Variants in SPOCK1 observed in about 807,000 individuals in gnomAD.
The protein encoded by SPOCK1 is SPARC (osteonectin), cwcv and kazal like domains proteoglycan 1.
SPOCK1 carries 23 observed loss-of-function variants against 55.3 expected under a neutral mutation model. That is an observed-to-expected ratio of 0.42 (90% CI 0.30 to 0.59). The LOEUF (loss-of-function observed/expected upper bound fraction) is 0.59, where lower values mean the gene tolerates loss of function less well. SPOCK1 is among the 20% of genes least tolerant of loss of function. The probability of loss-of-function intolerance (pLI) is 0.22; values close to 1 mark genes in which losing one functional copy is unlikely to be tolerated. For synonymous variants in SPOCK1, 226 were observed against 221.0 expected (o/e 1.02, Z -0.20); for missense variants, 499 against 552.5 (o/e 0.90, Z 0.97).
intron 2 of SPOCK1, among the ~76,000 whole-genome samples, chr5:137,369,040 C>T (rs550023431): frequency 5.8e-4 from 89 of 152,282 alleles, no homozygotes; most frequent in Admixed American, 9.8e-4. Flanking sequence ...GCCTGGTGCT[C>T]AGATGGAAGC....
intron 6 of SPOCK1, among the ~76,000 whole-genome samples, chr5:137,043,950 T>C (rs1411009512): frequency 1.3e-5 from 2 of 152,206 alleles, no homozygotes; most frequent in Admixed American, 6.5e-5. Context: ...ACCATGCCAA[T>C]GTAAGACAAT....
chr5:137,258,983 A>T (rs1266224850), intron 3 of SPOCK1, among the ~76,000 whole-genome samples: 4 of 152,184 alleles, frequency 2.6e-5, no homozygotes, highest in Non-Finnish European at 4.4e-5. Flanking sequence ...GCACTCAGTG[A>T]GGAAATGGAA....
chr5:137,293,089 A>ATTTTTTTT (rs531537488), intron 2 of SPOCK1, among the ~76,000 whole-genome samples: 14 of 100,828 alleles, frequency 1.4e-4, no homozygotes, highest in South Asian at 3.9e-4. Flanking sequence ...GGTTTGTTGA[A>ATTTTTTTT]TTTTTTTTTT....
At chr5:137,155,432 C>T (rs1173266690) in intron 3 of SPOCK1, among the ~76,000 whole-genome samples, 1 of 152,174 alleles carries the variant, frequency 6.6e-6, no homozygotes, top group Non-Finnish European at 1.5e-5. Context: ...CTCACTTGGC[C>T]TCTATTGTTG....
intron 2 of SPOCK1, among the ~76,000 whole-genome samples, chr5:137,304,486 G>A (rs1757666271): frequency 6.6e-6 from 1 of 152,174 alleles, no homozygotes; most frequent in African/African-American, 2.4e-5. Context: ...GCTGAGTTGT[G>A]CGGGGCGGGG....
rs574269770 is a variant in SPOCK1 at position 137,309,083 on chromosome 5, T to G, written c.187-42028A>C. 5.3e-5 allele frequency among the ~76,000 whole-genome samples: 8 copies of G among 152,292 alleles called. No individual in the cohort carries two copies. In the South Asian group the frequency reaches 1.0e-3, roughly 20 times the overall value. On this transcript the variant is annotated intron_variant, in intron 2 of 10. Transcript: ENST00000394945. ...TATTCTGTAATGAGTAGGAATTGCT[T>G]TAATATCAGAACAAAAAAAAATTTC... is the stretch of plus-strand genomic sequence containing the variant.
intron 6 of SPOCK1, among the ~76,000 whole-genome samples, chr5:137,028,193 G>A (rs1751713121): frequency 1.3e-5 from 2 of 152,180 alleles, no homozygotes; most frequent in South Asian, 4.1e-4. Flanking sequence ...GGACACAGGT[G>A]AAGGGCTGAA....
intron 2 of SPOCK1, among the ~76,000 whole-genome samples, chr5:137,308,921 C>T (rs1455286015): frequency 1.3e-5 from 2 of 151,976 alleles, no homozygotes; most frequent in South Asian, 2.1e-4. Flanking sequence ...AGAGAGCAGA[C>T]GTTGAGAAGT....
chr5:137,331,245 G>T (rs1262661522), intron 2 of SPOCK1, among the ~76,000 whole-genome samples: 1 of 152,168 alleles, frequency 6.6e-6, no homozygotes, highest in Non-Finnish European at 1.5e-5. Flanking sequence ...CCCTAAGTCT[G>T]CCTTGTCATC....
At chr5:137,356,959 T>C (rs1014594619) in intron 2 of SPOCK1, among the ~76,000 whole-genome samples, 1 of 149,528 alleles carries the variant, frequency 6.7e-6, no homozygotes, top group African/African-American at 2.5e-5. Flanking sequence ...CAGCTTAATA[T>C]AGCTATAGGG....
At chr5:137,050,665 C>T (rs1307514401) in intron 6 of SPOCK1, among the ~76,000 whole-genome samples, 2 of 152,156 alleles carry the variant, frequency 1.3e-5, no homozygotes, top group East Asian at 3.9e-4. Context: ...TGATAAATGA[C>T]TATTTCTTAA....
intron 2 of SPOCK1, among the ~76,000 whole-genome samples, chr5:137,432,856 G>C (rs1028970343): frequency 1.3e-5 from 2 of 152,118 alleles, no homozygotes; most frequent in African/African-American, 4.8e-5. Context: ...TCAGTAACTC[G>C]GTAAGTTGTC....
At chr5:137,107,272 C>T (rs1415364898) in intron 5 of SPOCK1, among the ~76,000 whole-genome samples, 1 of 152,156 alleles carries the variant, frequency 6.6e-6, no homozygotes, top group African/African-American at 2.4e-5. Context: ...TAGGAAATAA[C>T]TCAATACATA....
chr5:137,342,021 G>A (rs144260973), intron 2 of SPOCK1, among the ~76,000 whole-genome samples: 3 of 152,344 alleles, frequency 2.0e-5, no homozygotes, highest in African/African-American at 7.2e-5. Context: ...CAGGGCTGCG[G>A]TGTGTGGGTA....
At chr5:137,057,270 T>C (rs972214413) in intron 6 of SPOCK1, among the ~76,000 whole-genome samples, 1 of 152,104 alleles carries the variant, frequency 6.6e-6, no homozygotes, top group African/African-American at 2.4e-5. Context: ...GGTTTTACTC[T>C]AATTACTTCT....
chr5:137,149,350 T>A (rs568550249), intron 3 of SPOCK1, among the ~76,000 whole-genome samples: 4 of 152,170 alleles, frequency 2.6e-5, no homozygotes, highest in African/African-American at 9.6e-5. Flanking sequence ...TTCTCATCCA[T>A]CACAATGGCC....
At chr5:137,065,259 T>G (rs1752485922) in intron 6 of SPOCK1, among the ~76,000 whole-genome samples, 4 of 150,498 alleles carry the variant, frequency 2.7e-5, no homozygotes, top group Admixed American at 2.7e-4. Flanking sequence ...CCATATTAGA[T>G]AGTTAAACAT....
intron 4 of SPOCK1, among the ~76,000 whole-genome samples, chr5:137,121,455 A>G (rs957518129): frequency 4.0e-5 from 6 of 151,810 alleles, no homozygotes; most frequent in Non-Finnish European, 8.8e-5. Flanking sequence ...TAAGAAGAAA[A>G]TGAACTTGCC....
chr5:137,126,758 A>G (rs1480780603), intron 4 of SPOCK1, among the ~76,000 whole-genome samples: 3 of 150,600 alleles, frequency 2.0e-5, no homozygotes, highest in Non-Finnish European at 4.4e-5. Context: ...ATCTCAAAAA[A>G]TAAAGAAACT....
Sources: allele counts gnomAD v4.1 joint callset (sites outside exome capture counted in the v4.1 genomes callset), GRCh38; gene constraint gnomAD v4.1.1; transcripts MANE v1.5; gene names NCBI Gene and HGNC (gene_info 2026-07-23, HGNC 2026-07-21).